Variants in IL1RAPL2 observed in about 807,000 individuals in gnomAD.
The protein encoded by IL1RAPL2 is X-linked interleukin-1 receptor accessory protein-like 2.
In IL1RAPL2, 3 loss-of-function variants were observed where a neutral mutation model predicts 44.1. The observed-to-expected ratio is 0.07, with a 90% CI of 0.03 to 0.18. The LOEUF is 0.18. Ranked by LOEUF, IL1RAPL2 falls within the 10% of genes least tolerant of loss-of-function variation. The pLI, the probability that IL1RAPL2 is intolerant of heterozygous loss-of-function variation, is 1.00. For synonymous variants in IL1RAPL2, 181 were observed against 178.8 expected, an observed-to-expected ratio of 1.01 and a Z score of -0.10; for missense variants, 391 against 496.4, an observed-to-expected ratio of 0.79 and a Z score of 2.02.
chrX:105,341,078 A>G (rs1401039929), intron 5 of IL1RAPL2, among the ~76,000 whole-genome samples: 3 of 111,827 alleles, frequency 2.7e-5, no homozygotes, highest in Admixed American at 1.9e-4. Flanking sequence ...ACATCTACAC[A>G]TCACAACCAG....
intron 6 of IL1RAPL2, among the ~76,000 whole-genome samples, chrX:105,632,149 C>T (rs1231829112): frequency 2.7e-5 from 3 of 110,766 alleles, no homozygotes; most frequent in African/African-American, 9.9e-5. Flanking sequence ...AAGAAGACAC[C>T]GGACCCTGAC....
At chrX:104,937,465 G>A (rs186573429) in intron 2 of IL1RAPL2, among the ~76,000 whole-genome samples, 1 of 112,002 alleles carries the variant, frequency 8.9e-6, no homozygotes, top group African/African-American at 3.2e-5. Flanking sequence ...GACATACCCA[G>A]TTACTACAAA....
chrX:105,493,689 T>C (rs2036337027), intron 6 of IL1RAPL2, among the ~76,000 whole-genome samples: 1 of 111,231 alleles, frequency 9.0e-6, no homozygotes, highest in African/African-American at 3.3e-5. Context: ...TCTTAAACCT[T>C]GCCGTATTCC....
At chrX:104,627,120 T>C (rs1430013667) in intron 1 of IL1RAPL2, among the ~76,000 whole-genome samples, 1 of 110,370 alleles carries the variant, frequency 9.1e-6, no homozygotes, top group Non-Finnish European at 1.9e-5. Context: ...ATATCTTTGC[T>C]CAACTGGGTT....
chrX:104,708,145 G>C (rs976954904), intron 2 of IL1RAPL2, among the ~76,000 whole-genome samples: 2 of 111,755 alleles, frequency 1.8e-5, no homozygotes, highest in Non-Finnish European at 3.8e-5. Context: ...TGAAGTTACA[G>C]CTTCTTTCAA....
chrX:104,627,701 A>G (rs925783315), intron 1 of IL1RAPL2, among the ~76,000 whole-genome samples: 2 of 111,104 alleles, frequency 1.8e-5, no homozygotes, highest in Admixed American at 9.6e-5. Flanking sequence ...TGATGTGGTA[A>G]AGACTATGAT....
chrX:105,298,551 G>A (rs112269129), intron 5 of IL1RAPL2, among the ~76,000 whole-genome samples: 6,832 of 110,680 alleles, frequency 0.062, 504 homozygotes, highest in African/African-American at 0.21. Flanking sequence ...TGTGATATAA[G>A]TTTAAAATGT....
At chrX:104,706,342 C>T (rs1219897021) in intron 2 of IL1RAPL2, among the ~76,000 whole-genome samples, 1 of 112,188 alleles carries the variant, frequency 8.9e-6, no homozygotes, top group African/African-American at 3.2e-5. Context: ...TATATCACCT[C>T]GTTGAAGCCT....
chrX:104,698,184 G>A (rs1188723698), intron 2 of IL1RAPL2, among the ~76,000 whole-genome samples: 1 of 112,368 alleles, frequency 8.9e-6, no homozygotes, highest in African/African-American at 3.2e-5. Context: ...GGGAAAGTGA[G>A]GGAGAAAGAA....
rs1182472867 is a variant in IL1RAPL2, at chrX:105,625,033, A to C, written c.773-92334A>C. Among the ~76,000 whole-genome samples the C allele has an allele frequency of 9.8e-5, 11 of 111,895 alleles. No homozygotes were observed. The Admixed American group carries it at 1.0e-3, about 11-fold the overall frequency. ...ACCATAGGGTGATCCTTCACATCCA[A>C]ATTTATTTCATTTATGTTATATTAT... On this transcript the variant is annotated intron_variant, in intron 6 of 10. Transcript: ENST00000372582.
intron 2 of IL1RAPL2, among the ~76,000 whole-genome samples, chrX:105,109,447 C>T (rs2032779727): frequency 8.9e-6 from 1 of 111,945 alleles, no homozygotes; most frequent in Non-Finnish European, 1.9e-5. Context: ...TGTATTGATT[C>T]ATTATACAAC....
intron 3 of IL1RAPL2, among the ~76,000 whole-genome samples, 184 bp downstream of exon 3, chrX:105,195,932 A>C (rs1212143943): frequency 5.4e-5 from 6 of 111,920 alleles, no homozygotes; most frequent in Non-Finnish European, 7.5e-5. Context: ...AATTCCTATT[A>C]GATTTTCATA....
At chrX:105,211,725 C>A (rs1556158154) in intron 3 of IL1RAPL2, among the ~76,000 whole-genome samples, 1 of 111,156 alleles carries the variant, frequency 9.0e-6, no homozygotes, top group Non-Finnish European at 1.9e-5. Flanking sequence ...TCCACAGCTC[C>A]CAGCGAGAAC....
intron 1 of IL1RAPL2, among the ~76,000 whole-genome samples, chrX:104,585,152 T>TAC (rs1277403694): frequency 2.7e-5 from 2 of 74,793 alleles, no homozygotes; most frequent in East Asian, 8.0e-4. Flanking sequence ...CACACACACA[T>TAC]ATATATACAC....
At chrX:105,427,213 G>A (rs1206208169) in intron 5 of IL1RAPL2, among the ~76,000 whole-genome samples, 2 of 111,551 alleles carry the variant, frequency 1.8e-5, no homozygotes, top group Non-Finnish European at 3.8e-5. Context: ...GCCTGGATTA[G>A]GGGACAGGGC....
intron 2 of IL1RAPL2, among the ~76,000 whole-genome samples, chrX:104,685,230 A>G (rs942535563): frequency 5.3e-5 from 6 of 112,243 alleles, no homozygotes; most frequent in East Asian, 2.8e-4. Flanking sequence ...CCACTCAGGC[A>G]TTACCCCTAT....
At chrX:105,648,989 G>A (rs185362335) in intron 6 of IL1RAPL2, among the ~76,000 whole-genome samples, 13 of 111,376 alleles carry the variant, frequency 1.2e-4, no homozygotes, top group African/African-American at 3.9e-4. Context: ...TAAAGCTGGG[G>A]TTAAAGCCTT....
intron 5 of IL1RAPL2, among the ~76,000 whole-genome samples, chrX:105,335,979 A>G (rs1411248092): frequency 8.9e-6 from 1 of 112,248 alleles, no homozygotes; most frequent in Non-Finnish European, 1.9e-5. Context: ...ATTCATACCC[A>G]AATGAGTACA....
intron 2 of IL1RAPL2, among the ~76,000 whole-genome samples, chrX:104,809,805 T>C (rs1932959063): frequency 9.0e-6 from 1 of 111,657 alleles, no homozygotes; most frequent in Non-Finnish European, 1.9e-5. Flanking sequence ...TCCTTGCCCA[T>C]GCCTATGTCC....
Sources: allele counts gnomAD v4.1 joint callset (sites outside exome capture counted in the v4.1 genomes callset), GRCh38; gene constraint gnomAD v4.1.1; transcripts MANE v1.5; gene names NCBI Gene and HGNC (gene_info 2026-07-23, HGNC 2026-07-21).